The following OR2L3 variants were observed in gnomAD, a reference collection of about 807,000 sequenced individuals.
OR2L3 encodes olfactory receptor family 2 subfamily L member 3.
For synonymous variants in OR2L3, 131 were observed against 139.1 expected (o/e 0.94, Z 0.41); for missense variants, 369 against 376.6 (o/e 0.98, Z 0.17).
chr1:248,060,692 A>G lies in OR2L3; in HGVS notation c.11A>G (p.Tyr4Cys). The part of the protein sequence containing the change: MEN[Y>C]NQTSTDFILL... Reference sequence around the variant, plus strand: ...GCACACGAATGCCCCATGGAAAATTACAATCAAACATCAACTGATTTCATC... The same window carrying G: ...GCACACGAATGCCCCATGGAAAATTGCAATCAAACATCAACTGATTTCATC... Residue 4 changes from tyrosine to cysteine, a missense_variant, in exon 2 of 2, where the codon TAC becomes TGC. Transcript: ENST00000359959. The G allele has an allele frequency of 6.2e-7, 1 of 1,612,038 alleles. No homozygotes were observed. The highest frequency in any genetic ancestry group is 8.5e-7 in the Non-Finnish European group (1 of 1,178,562).
intron 1 of OR2L3, among the ~76,000 whole-genome samples, chr1:248,051,697 A>G (rs925971927): frequency 4.6e-5 from 7 of 152,196 alleles, no homozygotes; most frequent in Non-Finnish European, 1.0e-4. Flanking sequence ...CAACATATCC[A>G]TGTAACAAAC....
intron 1 of OR2L3, among the ~76,000 whole-genome samples, chr1:248,050,482 TATTATATA>T (rs1663228843): frequency 6.6e-6 from 1 of 151,998 alleles, no homozygotes; most frequent in Non-Finnish European, 1.5e-5. Context: ...ATTTAAATAA[TATTATATA>T]ATAGGACATT....
rs373221683 is a variant in OR2L3, at chr1:248,061,341, T to C, written c.660T>C (p.Val220=). Residue 220 remains valine, a synonymous_variant, in exon 2 of 2, where the codon GTT becomes GTC. Transcript: ENST00000359959. ...FIAISCSYGR[V]LLAVYHMKSA... ...CTATTTCATGTTCCTATGGCCGGGT[T>C]CTCCTTGCTGTCTACCACATGAAAT... 4.3e-5 allele frequency: 70 copies of C among 1,613,812 alleles called. 1 individual carries two copies. The East Asian group carries it at 1.1e-3, about 26-fold the overall frequency.
chr1:248,051,369 A>G (rs1049904187), intron 1 of OR2L3: 4 of 152,170 alleles, frequency 2.6e-5, no homozygotes, highest in Non-Finnish European at 5.9e-5. Flanking sequence ...GTATATACAT[A>G]CTATATTTAT....
chr1:248,058,000 T>G (rs1663495337), intron 1 of OR2L3, among the ~76,000 whole-genome samples: 1 of 152,228 alleles, frequency 6.6e-6, no homozygotes, highest in Non-Finnish European at 1.5e-5. Flanking sequence ...CTTGCAGTAA[T>G]GTGTTAAGTA....
chr1:248,061,410 C>T lies in OR2L3; in HGVS notation c.729C>T (p.His243=), dbSNP rs141721902. 3 of 1,614,018 alleles carry T rather than the reference C, an allele frequency of 1.9e-6. No individual in the cohort carries two copies. The highest frequency in any genetic ancestry group is 2.5e-6 in the Non-Finnish European group (3 of 1,180,034). ...RKKAYLTCST[H]LTVVTFYYAP... ...AAGCCTACCTGACCTGCAGCACCCA[C>T]CTCACTGTAGTAACTTTCTACTATG... Residue 243 remains histidine (H), a synonymous_variant, in exon 2 of 2, where the codon CAC becomes CAT. Transcript: ENST00000359959.
chr1:248,063,245 C>T lies in OR2L3; in HGVS notation c.*1625C>T, dbSNP rs1663699852. 1 of 152,088 alleles carries T rather than the reference C, an allele frequency of 6.6e-6. No individual in the cohort carries two copies. The highest frequency in any genetic ancestry group is 2.4e-5 in the African/African-American group (1 of 41,404). The allele number at this position is 152,088 out of a possible 1,614,324, so 9.4% of individuals were successfully genotyped here. On this transcript the variant is annotated 3_prime_UTR_variant, in exon 2 of 2. Coordinates refer to ENST00000359959, the MANE Select transcript of OR2L3 (RefSeq NM_001004687.2). ...GGATTTCTTTCCATTCATTTGTATTCCTCTTCATTTTCTTTCACCAGTGAT... is the reference window on the plus strand; with the variant it reads ...GGATTTCTTTCCATTCATTTGTATTTCTCTTCATTTTCTTTCACCAGTGAT...
rs191049079 is a variant in OR2L3 at position 248,052,936 on chromosome 1, T to C, written c.-22+6056T>C. On this transcript the variant is annotated intron_variant, in intron 1 of 1. Coordinates refer to ENST00000359959, the MANE Select transcript of OR2L3 (RefSeq NM_001004687.2). ...GGCTTTGTACACTTTTTATTTTTAT[T>C]TTTAATAATTATTTTATTGTTTGTT... Among the ~76,000 whole-genome samples the C allele has an allele frequency of 2.0e-5, 3 of 152,258 alleles. No individual in the cohort carries two copies. The East Asian group carries it at 5.8e-4, about 29-fold the overall frequency.
At position 248,062,073 on chromosome 1, in the gene OR2L3, A is replaced by G. The variant is rs1227437015; in HGVS notation, c.*453A>G. The G allele has an allele frequency of 1.3e-5, 2 of 159,306 alleles. No individual in the cohort carries two copies. Among genetic ancestry groups the G allele is most frequent in the South Asian group, 1.8e-4 (1 of 5,704 alleles). 9.9% of individuals were successfully genotyped at this position (159,306 alleles called of 1,614,324 possible). A position where few individuals can be genotyped will look rare whatever the true frequency, so the allele number is the denominator to read the frequency against. On this transcript the variant is annotated 3_prime_UTR_variant, in exon 2 of 2. Transcript: ENST00000359959. ...AGCTGTAAGATGTTTTGTCTTTCTT[A>G]TCTTAGACACTTAACGTACCAATTA...
Position 248,061,707 on chromosome 1 carries a change from T to G in OR2L3, c.*87T>G. 1.6e-6 allele frequency: 2 copies of G among 1,238,764 alleles called. No individual in the cohort carries two copies. The highest frequency in any genetic ancestry group is 5.0e-5 in the East Asian group (2 of 39,696). The allele number at this position is 1,238,764 out of a possible 1,614,324, so 76.7% of individuals were successfully genotyped here. On this transcript the variant is annotated 3_prime_UTR_variant, in exon 2 of 2. Coordinates refer to ENST00000359959, the MANE Select transcript of OR2L3 (RefSeq NM_001004687.2). ...TTAAAATATTATTTCAATCCTAGAGTTCAGGAGCTAAAAGTAATCAAGGTA... is the reference window on the plus strand; with the variant it reads ...TTAAAATATTATTTCAATCCTAGAGGTCAGGAGCTAAAAGTAATCAAGGTA...
At chr1:248,054,148 A>G (rs1241598963) in intron 1 of OR2L3, among the ~76,000 whole-genome samples, 1 of 152,212 alleles carries the variant, frequency 6.6e-6, no homozygotes, top group Non-Finnish European at 1.5e-5. Context: ...GGTGTAAGGA[A>G]GGAATCCAGT....
In OR2L3 at chr1:248,061,264, G is replaced by T. The variant is rs780792600; in HGVS notation, c.583G>T (p.Glu195Ter). ...GGCCTGCATGGACACCTGGGTCTATGAGGGCACAGTGTTTTTGAGCACCAC... is the reference window on the plus strand; with the variant it reads ...GGCCTGCATGGACACCTGGGTCTATTAGGGCACAGTGTTTTTGAGCACCAC... Reference protein sequence around the residue: ...TLACMDTWVYEGTVFLSTTIF... With the variant: ...TLACMDTWVY Residue 195 changes from glutamate (E) to a stop codon, truncating the protein, a stop_gained, in exon 2 of 2, where the codon GAG (glutamate) becomes TAG (stop). Coordinates refer to ENST00000359959, the MANE Select transcript of OR2L3 (RefSeq NM_001004687.2). LOFTEE classifies it low-confidence loss of function (END_TRUNC). 5 of 1,608,828 alleles carry T rather than the reference G, an allele frequency of 3.1e-6. No individual in the cohort carries two copies. In the South Asian group the frequency reaches 5.5e-5, roughly 18 times the overall value.
At chr1:248,058,815 C>T (rs1348633627) in intron 1 of OR2L3, among the ~76,000 whole-genome samples, 1 of 151,974 alleles carries the variant, frequency 6.6e-6, no homozygotes, top group Non-Finnish European at 1.5e-5. Context: ...TATTGTTCCT[C>T]CAATATGATT....
chr1:248,061,840 G>A lies in OR2L3; in HGVS notation c.*220G>A. ...GGCATTGTTTCCATAAATTTTGAAA[G>A]CACCTACTTTTACTAATATGTTGTC... is the stretch of plus-strand genomic sequence containing the variant. On this transcript the variant is annotated 3_prime_UTR_variant, in exon 2 of 2. Transcript: ENST00000359959. The A allele has an allele frequency of 2.5e-6, 1 of 398,118 alleles. No homozygotes were observed. Among genetic ancestry groups the A allele is most frequent in the Non-Finnish European group, 4.4e-6 (1 of 227,338 alleles). The allele number at this position is 398,118 out of a possible 1,614,324, so 24.7% of individuals were successfully genotyped here.
chr1:248,057,374 CTT>C (rs1239967167), intron 1 of OR2L3, among the ~76,000 whole-genome samples: 1 of 152,152 alleles, frequency 6.6e-6, no homozygotes, highest in Non-Finnish European at 1.5e-5. Context: ...GAATTGAACT[CTT>C]TTACATTATG....
intron 1 of OR2L3, among the ~76,000 whole-genome samples, chr1:248,053,209 G>C (rs1203021577): frequency 6.6e-6 from 1 of 152,118 alleles, no homozygotes; most frequent in African/African-American, 2.4e-5. Context: ...GCAGTATTTA[G>C]TTTTCTGTTC....
chr1:248,060,019 A>G (rs1409763267), intron 1 of OR2L3, among the ~76,000 whole-genome samples: 3 of 151,046 alleles, frequency 2.0e-5, no homozygotes, highest in Non-Finnish European at 1.5e-5. Context: ...CACCTGGGTA[A>G]CAGAGAGAGA....
chr1:248,050,671 G>C (rs930349789), intron 1 of OR2L3, among the ~76,000 whole-genome samples: 1 of 152,202 alleles, frequency 6.6e-6, no homozygotes, highest in South Asian at 2.1e-4. Flanking sequence ...GTCATAGAGA[G>C]TCCTATGTAA....
Position 248,061,604 on chromosome 1 carries a change from G to A in OR2L3, c.923G>A (p.Cys308Tyr), listed in dbSNP as rs1362087571. Residue 308 changes from cysteine (C) to tyrosine (Y), a missense_variant, in exon 2 of 2, where the codon TGC becomes TAC. Cys to Tyr is a radical substitution (Grantham distance 194). Transcript: ENST00000359959. ...GALTRVSQRI[C>Y]SGKM is the part of the protein sequence containing the mutation. ...CTGACACGAGTGAGTCAGAGAATCT[G>A]CTCTGGGAAAATGTAGAAACATTTT... 1.2e-6 allele frequency: 2 copies of A among 1,612,008 alleles called. No individual in the cohort carries two copies. The highest frequency in any genetic ancestry group is 2.2e-5 in the South Asian group (2 of 90,862).
Sources: gnomAD v4.1 joint callset for allele counts (sites outside exome capture counted in the v4.1 genomes callset) on GRCh38, gnomAD v4.1.1 for gene constraint, MANE v1.5 for transcripts, NCBI Gene and HGNC (gene_info 2026-07-23, HGNC 2026-07-21) for gene names.